Variants in BAZ2A observed in about 807,000 individuals in gnomAD.
BAZ2A encodes the protein bromodomain adjacent to zinc finger domain protein 2A.
Under a neutral mutation model 199.9 loss-of-function variants are expected in BAZ2A, and 34 were observed. That is an observed-to-expected ratio of 0.17 (90% CI 0.13 to 0.23). BAZ2A has a LOEUF of 0.23. Among genes scored for constraint, BAZ2A ranks in the 10% least tolerant of loss-of-function variants. BAZ2A has a pLI of 1.00. For missense variants in BAZ2A, 2,002 were observed against 2,391.1 expected (o/e 0.84, Z 3.39); for synonymous variants, 857 against 883.9 (o/e 0.97, Z 0.54).
At chr12:56,617,656 G>T in intron 1 of BAZ2A, 124 bp from the exon 2 acceptor site, 1 of 1,050,812 alleles carries the variant, frequency 9.5e-7, no homozygotes, top group Non-Finnish European at 1.3e-6. Flanking sequence ...CCTAAGTACT[G>T]TGTGAGGGAA....
chr12:56,632,116 GAA>G (rs200867472), upstream of BAZ2A, among the ~76,000 whole-genome samples: 1 of 150,840 alleles, frequency 6.6e-6, no homozygotes, highest in African/African-American at 2.4e-5. Context: ...TCACCTTGGG[GAA>G]AAAAAAATAC....
chr12:56,630,063 G>A (rs1951254665), intron 1 of BAZ2A, 62 bp downstream of exon 1: 2 of 926,810 alleles, frequency 2.2e-6, no homozygotes, highest in Non-Finnish European at 2.6e-6. Flanking sequence ...TTCCCCGAGG[G>A]AAGCCTCGGA....
chr12:56,612,015 G>A lies in BAZ2A; in HGVS notation c.1367C>T (p.Ser456Phe). 3.7e-6 allele frequency: 6 copies of A among 1,613,818 alleles called. No individual in the cohort carries two copies. Among genetic ancestry groups the A allele is most frequent in the Non-Finnish European group, 5.1e-6 (6 of 1,179,836 alleles). The change falls in exon 6 of 29, where the codon TCT (serine) becomes TTT (phenylalanine). Residue 456 changes from serine to phenylalanine, a missense_variant. Ser to Phe is a radical substitution (Grantham distance 155). This residue lies in a region of BAZ2A where 641 missense variants were observed against 694.5 expected (regional missense o/e 0.92). Transcript: ENST00000549884. ...GAAGACTGCTGGAGAGACAACTGTA[G>A]AAGCTGCGGGACAAACTTCTGGAGA... ...EISPEVCPAA[S>F]TVVSPAVFSV...
chr12:56,610,097 A>G lies in BAZ2A; in HGVS notation c.1881+17T>C. The G allele has an allele frequency of 6.2e-7, 1 of 1,612,386 alleles. No homozygotes were observed. Among genetic ancestry groups the G allele is most frequent in the Non-Finnish European group, 8.5e-7 (1 of 1,178,496 alleles). On this transcript the variant is annotated intron_variant, in intron 9 of 28. Transcript: ENST00000549884. ...CTTCCTCAGGGACAAAAGCATATTT[A>G]ACCCTTGGGTCTGCACCTCTGGCGT... is the stretch of plus-strand genomic sequence containing the variant.
chr12:56,605,439 TGA>T, intron 13 of BAZ2A, 112 bp from the exon 14 acceptor site: 15 of 1,070,926 alleles, frequency 1.4e-5, no homozygotes, highest in Non-Finnish European at 1.9e-5. Context: ...TTTTTTTTTT[TGA>T]GATAGGGTCT....
Position 56,595,999 on chromosome 12 carries a change from A to AGGAGTTTT in BAZ2A, c.*2618_*2619insAAAACTCC, listed in dbSNP as rs1885769577. Reference sequence around the variant, plus strand: ...TTTTCTACAGCTGCACTTGTGGAACATCACATGGCAAAAACAGGAGTTTTT... The same window carrying AGGAGTTTT: ...TTTTCTACAGCTGCACTTGTGGAACAGGAGTTTTTCACATGGCAAAAACAGGAGTTTTT... On this transcript the variant is annotated 3_prime_UTR_variant, in exon 29 of 29. Coordinates refer to ENST00000549884, the MANE Select transcript of BAZ2A (RefSeq NM_001300905.2). 2 of 152,716 alleles carry AGGAGTTTT rather than the reference A, an allele frequency of 1.3e-5. No individual in the cohort carries two copies. The highest frequency in any genetic ancestry group is 1.3e-4 in the Admixed American group (2 of 15,290). 9.5% of individuals were successfully genotyped at this position (152,716 alleles called of 1,614,324 possible).
At chr12:56,607,037 A>C (rs1002343784) in intron 10 of BAZ2A, among the ~76,000 whole-genome samples, 6 of 152,198 alleles carry the variant, frequency 3.9e-5, no homozygotes, top group African/African-American at 1.4e-4. Flanking sequence ...ACAATGGCAG[A>C]GTAGCCTTGG....
In BAZ2A at chr12:56,608,168, C is replaced by G. The variant is rs554008524; in HGVS notation, c.2093-1435G>C. ...TGGGCGGATCACGAGGTCAGGAGAT[C>G]GAGACCATCCTGGCTAACATGGTGA... On this transcript the variant is annotated intron_variant, in intron 10 of 28. Coordinates refer to ENST00000549884, the MANE Select transcript of BAZ2A (RefSeq NM_001300905.2). 8.6e-5 allele frequency among the ~76,000 whole-genome samples: 13 copies of G among 151,356 alleles called. No individual in the cohort carries two copies. In the South Asian group the frequency reaches 2.5e-3, roughly 29 times the overall value.
upstream of BAZ2A, chr12:56,630,379 C>A (rs1035117639): frequency 1.5e-6 from 1 of 657,584 alleles, no homozygotes; most frequent in Non-Finnish European, 1.9e-6. Flanking sequence ...AGTCTCCCCA[C>A]GCGGCCTCCG....
In BAZ2A at chr12:56,596,562, C is replaced by A. The variant is rs556543785; in HGVS notation, c.*2056G>T. The A allele has an allele frequency of 1.3e-5, 2 of 152,406 alleles. No individual in the cohort carries two copies. The highest frequency in any genetic ancestry group is 2.4e-5 in the African/African-American group (1 of 41,340). The allele number at this position is 152,406 out of a possible 1,614,324, so 9.4% of individuals were successfully genotyped here. The stretch of plus-strand genomic sequence containing the variant: ...CACTCCCCCATCCACCTCACAATTT[C>A]ACTCCCCCATCCACCTCACAATGAA... On this transcript the variant is annotated 3_prime_UTR_variant, in exon 29 of 29. Transcript: ENST00000549884.
intron 1 of BAZ2A, among the ~76,000 whole-genome samples, chr12:56,618,612 T>C (rs1368600066): frequency 6.6e-6 from 1 of 152,170 alleles, no homozygotes; most frequent in Non-Finnish European, 1.5e-5. Context: ...TTACTACATT[T>C]TAAAAAAGAG....
At chr12:56,622,497 C>T (rs757834569) in intron 1 of BAZ2A, among the ~76,000 whole-genome samples, 10 of 152,234 alleles carry the variant, frequency 6.6e-5, no homozygotes, top group East Asian at 5.8e-4. Flanking sequence ...TATGGGAATA[C>T]GAAAAACATG....
Position 56,635,907 on chromosome 12 carries a change from A to T in BAZ2A, c.4+275T>A, listed in dbSNP as rs556774647. On this transcript the variant is annotated intron_variant, in intron 1 of 29. Coordinates refer to the BAZ2A transcript ENST00000379441. This position sits in a 1 kb window ranked among gnomAD's most constrained non-coding sequence, Gnocchi z 4.1. ...CTCAACAGCTTAAATGGGGAGGAGC[A>T]GGGGCAATCCTCCACGGGGCGGCGG... is the stretch of plus-strand genomic sequence containing the variant. Among the ~76,000 whole-genome samples the T allele has an allele frequency of 3.2e-4, 49 of 152,086 alleles. No homozygotes were observed. The highest frequency in any genetic ancestry group is 1.4e-3 in the Admixed American group (21 of 15,288).
intron 3 of BAZ2A, 82 bp from the exon 4 acceptor site, chr12:56,614,220 G>A: frequency 7.3e-7 from 1 of 1,372,112 alleles, no homozygotes; most frequent in Non-Finnish European, 1.0e-6. Flanking sequence ...GTCAATCTTT[G>A]CTAGAAGGAT....
Position 56,602,200 on chromosome 12 carries a change from G to C in BAZ2A, c.3425-8C>G. Reference sequence around the variant, plus strand: ...TTATCACCTCCTCAGGAACTGTAAAGAGAAGTAAAGAGTTAAGCCATATGC... The same window carrying C: ...TTATCACCTCCTCAGGAACTGTAAACAGAAGTAAAGAGTTAAGCCATATGC... On this transcript the variant is annotated splice_region_variant and splice_polypyrimidine_tract_variant and intron_variant, in intron 19 of 28. Transcript: ENST00000549884. The C allele has an allele frequency of 6.4e-7, 1 of 1,559,624 alleles. No homozygotes were observed. Among genetic ancestry groups the C allele is most frequent in the Non-Finnish European group, 8.7e-7 (1 of 1,148,284 alleles).
upstream of BAZ2A, among the ~76,000 whole-genome samples, chr12:56,631,034 C>T (rs1951294827): frequency 6.6e-6 from 1 of 152,170 alleles, no homozygotes; most frequent in Admixed American, 6.5e-5. Context: ...GACAGGGCTA[C>T]ATAACTGTGT....
At chr12:56,613,920 GA>G (rs1225292791) in intron 4 of BAZ2A, 32 bp downstream of exon 4, 1 of 1,594,808 alleles carries the variant, frequency 6.3e-7, no homozygotes, top group East Asian at 2.2e-5. Flanking sequence ...ACTCTGCATG[GA>G]TAAGTTAAAG....
Position 56,604,376 on chromosome 12 carries a change from A to T in BAZ2A, c.2964-85T>A. 3.5e-6 allele frequency: 5 copies of T among 1,428,596 alleles called. No individual in the cohort carries two copies. In the East Asian group the frequency reaches 1.2e-4, roughly 35 times the overall value. The allele number at this position is 1,428,596 out of a possible 1,614,324, so 88.5% of individuals were successfully genotyped here. On this transcript the variant is annotated intron_variant, in intron 15 of 28. Transcript: ENST00000549884. ...AGGGTAAAGGGGCTGCAGCTGAAAA[A>T]GGAGTTCCAGCCTAGAACCCAGATT...
rs112462490 is a variant in BAZ2A, at chr12:56,596,146, C to T, written c.*2472G>A. ...TTATCAAAAAGTCACTAAAACACCA[C>T]ATTTGGTTATATAAAAAGTCCCTTT... On this transcript the variant is annotated 3_prime_UTR_variant, in exon 29 of 29. Coordinates refer to ENST00000549884, the MANE Select transcript of BAZ2A (RefSeq NM_001300905.2). 17 of 152,740 alleles carry T rather than the reference C, an allele frequency of 1.1e-4. No individual in the cohort carries two copies. Among genetic ancestry groups the T allele is most frequent in the African/African-American group, 4.1e-4 (17 of 41,502 alleles). The allele number at this position is 152,740 out of a possible 1,614,324, so 9.5% of individuals were successfully genotyped here. A position where few individuals can be genotyped will look rare whatever the true frequency, so the allele number is the denominator to read the frequency against.
Sources: allele counts gnomAD v4.1 joint callset (sites outside exome capture counted in the v4.1 genomes callset), GRCh38; gene constraint gnomAD v4.1.1; regional missense constraint gnomAD v4.1.1; non-coding constraint Gnocchi (gnomAD v3.1); transcripts MANE v1.5; gene names NCBI Gene and HGNC (gene_info 2026-07-23, HGNC 2026-07-21).